Variants in ARHGEF38 observed in about 807,000 individuals in gnomAD.
ARHGEF38 encodes the protein Rho guanine nucleotide exchange factor (GEF) 38.
ARHGEF38 carries 79 observed loss-of-function variants against 79.9 expected under a neutral mutation model. The ratio of observed to expected loss-of-function variants is 0.99; its 90% CI spans 0.82 to 1.19. ARHGEF38 has a LOEUF of 1.19. ARHGEF38 is among the 50% of genes most tolerant of loss of function. ARHGEF38 has a pLI of 0.00. For synonymous variants in ARHGEF38, 366 were observed against 328.3 expected (o/e 1.11, Z -1.24); for missense variants, 962 against 907.2 (o/e 1.06, Z -0.78).
intron 13 of ARHGEF38, among the ~76,000 whole-genome samples, chr4:105,668,583 T>C (rs1207893051): frequency 6.6e-6 from 1 of 152,184 alleles, no homozygotes; most frequent in Non-Finnish European, 1.5e-5. Flanking sequence ...CCTTTATTTA[T>C]TTACCTTGCT....
At chr4:105,621,588 A>G (rs1315936911) in intron 3 of ARHGEF38, among the ~76,000 whole-genome samples, 2 of 152,196 alleles carry the variant, frequency 1.3e-5, no homozygotes, top group African/African-American at 2.4e-5. Flanking sequence ...TCCTAAAGCA[A>G]TGTTTCTTGT....
intron 3 of ARHGEF38, among the ~76,000 whole-genome samples, chr4:105,629,189 G>GT (rs1228593467): frequency 1.3e-5 from 2 of 152,144 alleles, no homozygotes; most frequent in Non-Finnish European, 2.9e-5. Flanking sequence ...CTGATTTCAA[G>GT]TTTAGTGTTC....
chr4:105,598,784 C>T (rs528204677), intron 2 of ARHGEF38, among the ~76,000 whole-genome samples: 2 of 150,722 alleles, frequency 1.3e-5, no homozygotes, highest in South Asian at 2.1e-4. Context: ...CCTGAGGTCT[C>T]ATAAAGTCAG....
chr4:105,677,958 T>C lies in ARHGEF38; in HGVS notation c.*21T>C. ...CTTAAGAAAATAAGCCTTCAACTTTTATTTTCCAGCAAGTTGTTGATTGAC... is the reference window on the plus strand; with the variant it reads ...CTTAAGAAAATAAGCCTTCAACTTTCATTTTCCAGCAAGTTGTTGATTGAC... On this transcript the variant is annotated 3_prime_UTR_variant, in exon 14 of 14. Transcript: ENST00000420470. The C allele has an allele frequency of 1.4e-6, 2 of 1,473,984 alleles. No individual in the cohort carries two copies. Among genetic ancestry groups the C allele is most frequent in the Non-Finnish European group, 1.8e-6 (2 of 1,109,804 alleles). 91.3% of individuals were successfully genotyped at this position (1,473,984 alleles called of 1,614,324 possible).
intron 1 of ARHGEF38, among the ~76,000 whole-genome samples, chr4:105,556,897 A>G (rs1358657482): frequency 6.6e-6 from 1 of 152,204 alleles, no homozygotes; most frequent in Non-Finnish European, 1.5e-5. Flanking sequence ...ATTAAAATGT[A>G]CAGAATTTAT....
At position 105,589,536 on chromosome 4, in the gene ARHGEF38, C is replaced by T. The variant is rs373844781; in HGVS notation, c.384+101C>T. The T allele has an allele frequency of 7.3e-5, 76 of 1,037,142 alleles. No homozygotes were observed. The African/African-American group carries it at 1.0e-3, about 14-fold the overall frequency. The allele number at this position is 1,037,142 out of a possible 1,614,324, so 64.2% of individuals were successfully genotyped here. On this transcript the variant is annotated intron_variant, in intron 2 of 13. Coordinates refer to ENST00000420470, the MANE Select transcript of ARHGEF38 (RefSeq NM_001242729.2). ...TCAGGTGTATCAATGGGATGATGTG[C>T]CTTTCTCCCCAAAACAGCACTGTTC...
At chr4:105,556,117 T>A (rs1044676841) in intron 1 of ARHGEF38, among the ~76,000 whole-genome samples, 1 of 152,196 alleles carries the variant, frequency 6.6e-6, no homozygotes, top group Non-Finnish European at 1.5e-5. Context: ...ATTTATTGAA[T>A]ATGTTATACC....
chr4:105,556,181 A>C (rs1361609482), intron 1 of ARHGEF38, among the ~76,000 whole-genome samples: 1 of 152,222 alleles, frequency 6.6e-6, no homozygotes, highest in African/African-American at 2.4e-5. Flanking sequence ...GAAAGAATAC[A>C]AATTGTAAAA....
intron 2 of ARHGEF38, among the ~76,000 whole-genome samples, chr4:105,595,429 A>G (rs1727535960): frequency 6.6e-6 from 1 of 152,224 alleles, no homozygotes; most frequent in African/African-American, 2.4e-5. Flanking sequence ...TAAAATTTTG[A>G]TATACTATAT....
intron 13 of ARHGEF38, among the ~76,000 whole-genome samples, chr4:105,672,898 T>C (rs1379601970): frequency 6.6e-6 from 1 of 152,240 alleles, no homozygotes; most frequent in Non-Finnish European, 1.5e-5. Flanking sequence ...CCTTGCCATG[T>C]GGCTGTCTCT....
chr4:105,606,724 A>G (rs1014938478), intron 2 of ARHGEF38, among the ~76,000 whole-genome samples: 4 of 152,124 alleles, frequency 2.6e-5, no homozygotes, highest in Non-Finnish European at 5.9e-5. Context: ...AATTACTGAC[A>G]TGAACAGATG....
chr4:105,661,312 G>T (rs936311165), intron 10 of ARHGEF38, among the ~76,000 whole-genome samples: 18 of 151,964 alleles, frequency 1.2e-4, no homozygotes, highest in African/African-American at 3.6e-4. Flanking sequence ...GTGGATATAT[G>T]TTCCCATTTC....
intron 2 of ARHGEF38, among the ~76,000 whole-genome samples, chr4:105,606,942 A>G (rs1029231945): frequency 3.3e-5 from 5 of 152,140 alleles, no homozygotes; most frequent in African/African-American, 1.2e-4. Flanking sequence ...TTAATTTTCT[A>G]CAGTGACATG....
In ARHGEF38 at chr4:105,582,383, A is replaced by C. The variant is rs146546538; in HGVS notation, c.197-6865A>C. ...TCTTGTATATGAATTTAAGCCTATAAATTTTCTGTAAGCAGTGCTTTACCT... is the reference window on the plus strand; with the variant it reads ...TCTTGTATATGAATTTAAGCCTATACATTTTCTGTAAGCAGTGCTTTACCT... On this transcript the variant is annotated intron_variant, in intron 1 of 13. Coordinates refer to ENST00000420470, the MANE Select transcript of ARHGEF38 (RefSeq NM_001242729.2). Among the ~76,000 whole-genome samples, 1,456 of 151,760 alleles carry C rather than the reference A, an allele frequency of 9.6e-3. 30 individuals are homozygous for C. Among genetic ancestry groups the C allele is most frequent in the African/African-American group, 0.033 (1,379 of 41,410 alleles).
chr4:105,582,502 A>G (rs1056340535), intron 1 of ARHGEF38, among the ~76,000 whole-genome samples: 1 of 152,048 alleles, frequency 6.6e-6, no homozygotes, highest in African/African-American at 2.4e-5. Context: ...CCCATCAGTT[A>G]TTTTGTAGGT....
At chr4:105,602,110 C>T (rs1727847159) in intron 2 of ARHGEF38, among the ~76,000 whole-genome samples, 1 of 152,138 alleles carries the variant, frequency 6.6e-6, no homozygotes. Flanking sequence ...ATGGGATTTG[C>T]ACTGAGTAAA....
chr4:105,590,851 T>C (rs1312130027), intron 2 of ARHGEF38, among the ~76,000 whole-genome samples: 2 of 152,216 alleles, frequency 1.3e-5, no homozygotes, highest in African/African-American at 4.8e-5. Context: ...TGATTCCTTC[T>C]GATAAATATC....
At position 105,680,050 on chromosome 4, in the gene ARHGEF38, A is replaced by G. The variant is rs1731256807; in HGVS notation, c.*2113A>G. 1.3e-5 allele frequency: 11 copies of G among 828,294 alleles called. No homozygotes were observed. Among genetic ancestry groups the G allele is most frequent in the South Asian group, 1.2e-4 (9 of 75,752 alleles). The allele number at this position is 828,294 out of a possible 1,614,324, so 51.3% of individuals were successfully genotyped here. On this transcript the variant is annotated 3_prime_UTR_variant, in exon 14 of 14. Coordinates refer to ENST00000420470, the MANE Select transcript of ARHGEF38 (RefSeq NM_001242729.2). ...TTACATTCTTCTTCGTCTCACAGAA[A>G]ATAATAGCCCTCCCTTCAGATCCAC...
intron 13 of ARHGEF38, among the ~76,000 whole-genome samples, chr4:105,677,336 T>G (rs1266288004): frequency 6.6e-6 from 1 of 152,180 alleles, no homozygotes; most frequent in African/African-American, 2.4e-5. Context: ...CTTGCTAAAC[T>G]TATAGTGTTA....
Sources: allele counts gnomAD v4.1 joint callset (sites outside exome capture counted in the v4.1 genomes callset), GRCh38; gene constraint gnomAD v4.1.1; transcripts MANE v1.5; gene names NCBI Gene and HGNC (gene_info 2026-07-23, HGNC 2026-07-21).